Variants in ARHGAP15 observed in about 807,000 individuals in gnomAD.
The protein encoded by ARHGAP15 is rho GTPase-activating protein 15.
Under a neutral mutation model 63.7 loss-of-function variants are expected in ARHGAP15, and 51 were observed. The ratio of observed to expected loss-of-function variants is 0.80; its 90% confidence interval spans 0.64 to 1.01. The LOEUF is 1.01. Among genes scored for constraint, ARHGAP15 ranks in the 50% least tolerant of loss-of-function variants. The probability of loss-of-function intolerance (pLI) is 0.00; values close to 1 mark genes in which losing one functional copy is unlikely to be tolerated. For missense variants in ARHGAP15, 560 were observed against 564.6 expected (o/e 0.99, Z 0.08); for synonymous variants, 191 against 193.8 (o/e 0.99, Z 0.12).
intron 6 of ARHGAP15, among the ~76,000 whole-genome samples, chr2:143,254,451 T>C (rs1031696763): frequency 6.6e-6 from 1 of 152,038 alleles, no homozygotes; most frequent in Non-Finnish European, 1.5e-5. Context: ...TGTTTCTAAG[T>C]TGAAGGAAAT....
At chr2:143,355,406 C>T (rs1685766645) in intron 6 of ARHGAP15, among the ~76,000 whole-genome samples, 1 of 152,090 alleles carries the variant, frequency 6.6e-6, no homozygotes, top group South Asian at 2.1e-4. Flanking sequence ...TGAAGTTATA[C>T]ATTTGCATGA....
In ARHGAP15 at chr2:143,513,949, C is replaced by G. The variant is rs146841741; in HGVS notation, c.827-5317C>G. Among the ~76,000 whole-genome samples, 42 of 152,284 alleles carry G rather than the reference C, an allele frequency of 2.8e-4. 2 individuals carry two copies. The East Asian group carries it at 7.7e-3, about 28-fold the overall frequency. On this transcript the variant is annotated intron_variant, in intron 9 of 13. Coordinates refer to ENST00000295095, the MANE Select transcript of ARHGAP15 (RefSeq NM_018460.4). The stretch of plus-strand genomic sequence containing the variant: ...TATCTCTGGGCCTTAGTTCCCTCTT[C>G]TGTAAAATGAAGATGATGATAGTAT...
chr2:143,678,925 T>G (rs1420725491), intron 12 of ARHGAP15, among the ~76,000 whole-genome samples: 1 of 152,212 alleles, frequency 6.6e-6, no homozygotes, highest in East Asian at 1.9e-4. Context: ...CATTTTTTAG[T>G]GTTACTTATG....
Position 143,499,251 on chromosome 2 carries a change from C to T in ARHGAP15, c.826+11756C>T, listed in dbSNP as rs545924855. ...GATGTATGGTTTACCAGCCTGATGT[C>T]GACTTATGGTTAGAGCTTAACTTGT... On this transcript the variant is annotated intron_variant, in intron 9 of 13. Transcript: ENST00000295095. Among the ~76,000 whole-genome samples the T allele has an allele frequency of 4.6e-5, 7 of 152,192 alleles. No individual in the cohort carries two copies. In the South Asian group the frequency reaches 1.5e-3, roughly 32 times the overall value.
intron 6 of ARHGAP15, among the ~76,000 whole-genome samples, chr2:143,289,118 A>G (rs1682259509): frequency 6.6e-6 from 1 of 152,110 alleles, no homozygotes; most frequent in Non-Finnish European, 1.5e-5. Context: ...GCAAAAGAGC[A>G]TTTTTATATG....
chr2:143,607,134 A>G (rs1698069166), intron 11 of ARHGAP15, among the ~76,000 whole-genome samples: 1 of 152,188 alleles, frequency 6.6e-6, no homozygotes, highest in Non-Finnish European at 1.5e-5. Flanking sequence ...ACTGTAAATA[A>G]TTACTGCAGA....
At chr2:143,680,053 G>GAAAAAAAAAAAA (rs1683030711) in intron 12 of ARHGAP15, among the ~76,000 whole-genome samples, 1 of 127,972 alleles carries the variant, frequency 7.8e-6, no homozygotes, top group African/African-American at 3.7e-5. Flanking sequence ...AAAAAAAAAG[G>GAAAAAAAAAAAA]AAAAAAATGG....
At chr2:143,172,312 A>T (rs898555707) in intron 2 of ARHGAP15, 1 of 152,096 alleles carries the variant, frequency 6.6e-6, no homozygotes, top group Non-Finnish European at 1.5e-5. Context: ...AGGTGAGAGT[A>T]GGGACACTCC....
chr2:143,692,086 A>C (rs1420059645), intron 12 of ARHGAP15, among the ~76,000 whole-genome samples: 1 of 152,224 alleles, frequency 6.6e-6, no homozygotes, highest in Non-Finnish European at 1.5e-5. Context: ...TAGGTTTTGC[A>C]AGCAAGGCTG....
At chr2:143,257,075 A>G (rs565951808) in intron 6 of ARHGAP15, among the ~76,000 whole-genome samples, 84 of 152,266 alleles carry the variant, frequency 5.5e-4, no homozygotes, top group African/African-American at 2.0e-3. Context: ...TAGAATTAAG[A>G]TTTATAAACT....
chr2:143,536,420 C>T (rs1008590086), intron 10 of ARHGAP15, among the ~76,000 whole-genome samples: 4 of 151,786 alleles, frequency 2.6e-5, no homozygotes, highest in Non-Finnish European at 5.9e-5. Flanking sequence ...ATGTGCACAA[C>T]GTGCAGGTTT....
Position 143,196,524 on chromosome 2 carries a change from A to G in ARHGAP15, c.166-5610A>G, listed in dbSNP as rs552704577. Among the ~76,000 whole-genome samples, 20 of 152,176 alleles carry G rather than the reference A, an allele frequency of 1.3e-4. 1 individual carries two copies. Among genetic ancestry groups the G allele is most frequent in the Middle Eastern group, 3.4e-3 (1 of 294 alleles). On this transcript the variant is annotated intron_variant, in intron 2 of 13. Coordinates refer to ENST00000295095, the MANE Select transcript of ARHGAP15 (RefSeq NM_018460.4). ...AGAATATTGTAATAAAAATAATTTA[A>G]GACATAATTATGCCACCTTGAATGA... is the stretch of plus-strand genomic sequence containing the variant.
chr2:143,169,650 G>C (rs1475131422), intron 2 of ARHGAP15, among the ~76,000 whole-genome samples: 1 of 151,916 alleles, frequency 6.6e-6, no homozygotes, highest in East Asian at 1.9e-4. Context: ...GCACTGATTT[G>C]AATTGCCAAT....
intron 13 of ARHGAP15, among the ~76,000 whole-genome samples, chr2:143,731,811 T>C (rs1411907260): frequency 6.6e-6 from 1 of 152,250 alleles, no homozygotes; most frequent in Admixed American, 6.5e-5. Context: ...CATATCTTGC[T>C]GAAAAATTTT....
Position 143,696,593 on chromosome 2 carries a change from C to T in ARHGAP15, c.1139-6826C>T, listed in dbSNP as rs1683857898. On this transcript the variant is annotated intron_variant, in intron 12 of 13. Transcript: ENST00000295095. The stretch of plus-strand genomic sequence containing the variant: ...AAGGGGCCAGTGAGTTGAAGCTTCC[C>T]TCATTTAACAAATCCATAAACTTAT... Among the ~76,000 whole-genome samples, 8 of 152,006 alleles carry T rather than the reference C, an allele frequency of 5.3e-5. No homozygotes were observed. The South Asian group carries it at 1.7e-3, about 32-fold the overall frequency.
chr2:143,302,937 C>T (rs937895867), intron 6 of ARHGAP15, among the ~76,000 whole-genome samples: 3 of 152,004 alleles, frequency 2.0e-5, no homozygotes, highest in Non-Finnish European at 2.9e-5. Flanking sequence ...GGTATATATG[C>T]ACATTCACAG....
chr2:143,727,489 A>G (rs1250486287), intron 13 of ARHGAP15, among the ~76,000 whole-genome samples: 1 of 152,214 alleles, frequency 6.6e-6, no homozygotes, highest in Non-Finnish European at 1.5e-5. Context: ...CATTTATCTG[A>G]TGTACTGTTT....
intron 10 of ARHGAP15, among the ~76,000 whole-genome samples, chr2:143,537,297 A>G (rs1041928643): frequency 3.3e-5 from 5 of 152,004 alleles, no homozygotes; most frequent in African/African-American, 7.3e-5. Context: ...CAGATGAGTA[A>G]GTTGCAAAAA....
chr2:143,445,284 C>T (rs1690085841), intron 8 of ARHGAP15, among the ~76,000 whole-genome samples: 1 of 149,328 alleles, frequency 6.7e-6, no homozygotes, highest in African/African-American at 2.5e-5. Context: ...CCTCAGCCTC[C>T]CTAGTAGCTG....
Sources: allele counts gnomAD v4.1 joint callset (sites outside exome capture counted in the v4.1 genomes callset), GRCh38; gene constraint gnomAD v4.1.1; transcripts MANE v1.5; gene names NCBI Gene and HGNC (gene_info 2026-07-23, HGNC 2026-07-21).